CPAMD8: variants seen among roughly 807,000 people sequenced by gnomAD.
CPAMD8 encodes the protein C3 and PZP like alpha-2-macroglobulin domain containing 8.
A neutral mutation model predicts 224.7 loss-of-function variants in CPAMD8; 146 were observed. The ratio of observed to expected loss-of-function variants is 0.65; its 90% CI spans 0.57 to 0.75. CPAMD8 has a LOEUF of 0.75. Ranked by LOEUF, CPAMD8 falls within the 30% of genes least tolerant of loss-of-function variation. CPAMD8 has a pLI of 0.00. For synonymous variants in CPAMD8, 966 were observed against 1,044.6 expected (o/e 0.92, Z 1.45); for missense variants, 2,301 against 2,537.5 (o/e 0.91, Z 2.00).
intron 30 of CPAMD8, among the ~76,000 whole-genome samples, chr19:16,904,935 G>A (rs542672032): frequency 2.0e-5 from 3 of 152,298 alleles, no homozygotes; most frequent in South Asian, 2.1e-4. Context: ...AGCCACACTC[G>A]ACTTGCAAAG....
Position 16,898,204 on chromosome 19 carries a change from G to C in CPAMD8, c.4849-210C>G. 1.9e-6 allele frequency: 1 copy of C among 519,410 alleles called. No homozygotes were observed. The highest frequency in any genetic ancestry group is 3.4e-6 in the Non-Finnish European group (1 of 295,912). The allele number at this position is 519,410 out of a possible 1,614,324, so 32.2% of individuals were successfully genotyped here. A position where few individuals can be genotyped will look rare whatever the true frequency, so the allele number is the denominator to read the frequency against. ...CTGTTGCCCAGGCTGGAGTGCAGTGGCGTGATCTCGGCTCACTGCAAGCTC... is the reference window on the plus strand; with the variant it reads ...CTGTTGCCCAGGCTGGAGTGCAGTGCCGTGATCTCGGCTCACTGCAAGCTC... On this transcript the variant is annotated intron_variant, in intron 37 of 41. Coordinates refer to ENST00000443236, the MANE Select transcript of CPAMD8 (RefSeq NM_015692.5). The surrounding 1 kb of genome is among the most constrained non-coding windows in gnomAD (Gnocchi z 4.2).
rs150756213 is a variant in CPAMD8 at position 16,976,380 on chromosome 19, G to A, written c.1759-229C>T. Among the ~76,000 whole-genome samples, 423 of 152,144 alleles carry A rather than the reference G, an allele frequency of 2.8e-3. 13 individuals are homozygous for A. Among genetic ancestry groups the A allele is most frequent in the African/African-American group, 9.7e-3 (401 of 41,388 alleles). On this transcript the variant is annotated intron_variant, in intron 15 of 41. Coordinates refer to ENST00000443236, the MANE Select transcript of CPAMD8 (RefSeq NM_015692.5). ...AATCCCAGCTACTTAGGAGGCTGAG[G>A]CAGGAGAATCGCTTGAAGCCCAGAG...
At chr19:16,963,530 C>G (rs1016578725) in intron 18 of CPAMD8, among the ~76,000 whole-genome samples, 2 of 152,156 alleles carry the variant, frequency 1.3e-5, no homozygotes, top group Non-Finnish European at 2.9e-5. Context: ...CAGGAGCACC[C>G]AGATTCATAA....
chr19:16,913,076 T>G (rs750379236), intron 29 of CPAMD8, among the ~76,000 whole-genome samples: 9 of 152,082 alleles, frequency 5.9e-5, no homozygotes, highest in Non-Finnish European at 8.8e-5. Flanking sequence ...CCTTTCTCAG[T>G]AAAGGAGGGT....
Position 16,896,305 on chromosome 19 carries a change from G to A in CPAMD8, c.5297C>T (p.Ser1766Leu). The change falls in exon 41 of 42, where the codon TCG becomes TTG. Residue 1766 changes from serine (S) to leucine (L), a missense_variant. This residue lies in a region of CPAMD8 where 1,709 missense variants were observed against 1,753.2 expected (regional missense o/e 0.97). Transcript: ENST00000443236. ...CALEQRLPASSSSTYGDDLAS... is the reference protein window; with the variant it reads ...CALEQRLPASLSSTYGDDLAS... ...CAGGTCATCCCCGTAGGTGGAGGAC[G>A]ACGAGGCCGGCAGCCGCTGCTCTGG... 6.2e-7 allele frequency: 1 copy of A among 1,609,092 alleles called. No individual in the cohort carries two copies. The highest frequency in any genetic ancestry group is 8.5e-7 in the Non-Finnish European group (1 of 1,178,080).
chr19:16,983,604 T>G (rs944203901), intron 13 of CPAMD8, among the ~76,000 whole-genome samples: 24 of 151,918 alleles, frequency 1.6e-4, no homozygotes, highest in Non-Finnish European at 3.4e-4. Flanking sequence ...AAGGAAAGAA[T>G]AAAATTTTCA....
rs372348155 is a variant in CPAMD8, at chr19:16,907,002, G to A, written c.3977C>T (p.Pro1326Leu). 8.1e-6 allele frequency: 13 copies of A among 1,602,962 alleles called. No individual in the cohort carries two copies. The highest frequency in any genetic ancestry group is 9.4e-6 in the Non-Finnish European group (11 of 1,176,466). Reference sequence around the variant, plus strand: ...CTTGCGCAGTGCCTCAGGGGCTGCCGGGCTGCGGAGCAGGGTCAGCGCGTA... The same window carrying A: ...CTTGCGCAGTGCCTCAGGGGCTGCCAGGCTGCGGAGCAGGGTCAGCGCGTA... ...TTYALTLLRS[P>L]AAPEALRKLR... Residue 1326 changes from proline to leucine, a missense_variant, in exon 30 of 42, where the codon CCG (proline) becomes CTG (leucine). By Grantham distance (98) the Pro-to-Leu change is moderately conservative. Transcript: ENST00000443236.
At chr19:16,921,505 C>G (rs11086041) in intron 27 of CPAMD8, among the ~76,000 whole-genome samples, 77,242 of 151,930 alleles carry the variant, frequency 0.51, 21,018 homozygotes, top group Non-Finnish European at 0.61. Context: ...TGCTCCTGCA[C>G]ACAGCACACC....
chr19:17,016,462 A>T (rs1042871674), intron 3 of CPAMD8, among the ~76,000 whole-genome samples: 1 of 152,132 alleles, frequency 6.6e-6, no homozygotes, highest in East Asian at 1.9e-4. Flanking sequence ...TTCCTGACTC[A>T]TAAGAAAGCA....
intron 18 of CPAMD8, among the ~76,000 whole-genome samples, chr19:16,965,445 C>T (rs2054798063): frequency 6.6e-6 from 1 of 152,034 alleles, no homozygotes; most frequent in African/African-American, 2.4e-5. Context: ...ACAAGGATGC[C>T]CTCTCTCACC....
In CPAMD8 at chr19:16,950,715, C is replaced by T. The variant is rs562657755; in HGVS notation, c.2508+1254G>A. ...GGCTGAGGAGGGGGGATTGCTTGAG[C>T]CCAGGAGGTCAAGGCTGCAGTGAGC... is the stretch of plus-strand genomic sequence containing the variant. On this transcript the variant is annotated intron_variant, in intron 20 of 41. Coordinates refer to ENST00000443236, the MANE Select transcript of CPAMD8 (RefSeq NM_015692.5). Among the ~76,000 whole-genome samples, 8 of 150,672 alleles carry T rather than the reference C, an allele frequency of 5.3e-5. No homozygotes were observed. The East Asian group carries it at 1.6e-3, about 30-fold the overall frequency.
At chr19:17,025,133 A>G (rs1015002364) in intron 1 of CPAMD8, among the ~76,000 whole-genome samples, 3 of 152,212 alleles carry the variant, frequency 2.0e-5, no homozygotes, top group African/African-American at 7.2e-5. Context: ...CTAACGGGCC[A>G]GGCACGGTGA....
intron 36 of CPAMD8, among the ~76,000 whole-genome samples, chr19:16,900,248 C>T (rs995207407): frequency 6.6e-6 from 1 of 152,036 alleles, no homozygotes; most frequent in East Asian, 1.9e-4. Context: ...CCATGGCTCC[C>T]CACCCAGGGC....
intron 18 of CPAMD8, among the ~76,000 whole-genome samples, chr19:16,960,391 A>G (rs774896087): frequency 6.6e-6 from 1 of 152,040 alleles, no homozygotes; most frequent in Non-Finnish European, 1.5e-5. Flanking sequence ...CCAAATCTCC[A>G]TCATTAGGAG....
chr19:17,026,499 G>T, intron 1 of CPAMD8, 52 bp downstream of exon 1: 3 of 1,444,418 alleles, frequency 2.1e-6, no homozygotes, highest in South Asian at 2.7e-5. Context: ...CAGTACCCGC[G>T]ACCCCCACCC....
At chr19:16,938,095 C>T (rs973033868) in intron 23 of CPAMD8, among the ~76,000 whole-genome samples, 1 of 152,144 alleles carries the variant, frequency 6.6e-6, no homozygotes, top group African/African-American at 2.4e-5. Context: ...GCAGCCTAAC[C>T]TTCTTGCTTG....
chr19:16,949,055 G>GGGGA (rs2054216884), intron 20 of CPAMD8, among the ~76,000 whole-genome samples: 1 of 137,816 alleles, frequency 7.3e-6, no homozygotes, highest in Non-Finnish European at 1.6e-5. Context: ...GACGGGAGGG[G>GGGGA]GGGAGGGAGG....
intron 10 of CPAMD8, among the ~76,000 whole-genome samples, chr19:16,999,502 A>G (rs1438123329): frequency 3.3e-5 from 5 of 151,412 alleles, no homozygotes; most frequent in Admixed American, 2.0e-4. Flanking sequence ...GGAGAATGGC[A>G]TGAACCCAGG....
intron 10 of CPAMD8, 156 bp downstream of exon 10, chr19:17,000,258 A>G: frequency 1.8e-6 from 1 of 544,358 alleles, no homozygotes; most frequent in Non-Finnish European, 3.3e-6. Flanking sequence ...GTTCAAGACA[A>G]GCCTGGGCAA....
Sources: gnomAD v4.1 joint callset for allele counts (sites outside exome capture counted in the v4.1 genomes callset) on GRCh38, gnomAD v4.1.1 for gene constraint, gnomAD v4.1.1 regional missense constraint, Gnocchi (gnomAD v3.1) non-coding constraint, MANE v1.5 for transcripts, NCBI Gene and HGNC (gene_info 2026-07-23, HGNC 2026-07-21) for gene names.